Variants in NDE1 observed in about 807,000 individuals in gnomAD.
NDE1 encodes nudE neurodevelopment protein 1.
Under a neutral mutation model 43.4 loss-of-function variants are expected in NDE1, and 28 were observed. That is an observed-to-expected ratio of 0.65 (90% CI 0.48 to 0.89). NDE1 has a LOEUF of 0.89. NDE1 is among the 40% of genes least tolerant of loss of function. NDE1 has a pLI of 0.00. For synonymous variants in NDE1, 184 were observed against 172.0 expected, an observed-to-expected ratio of 1.07 and a Z score of -0.55; for missense variants, 441 against 434.1, an observed-to-expected ratio of 1.02 and a Z score of -0.14.
intron 1 of NDE1, chr16:15,651,430 G>GTTTTTTTTTTTTTTT (rs372353667): frequency 5.1e-4 from 65 of 126,268 alleles, no homozygotes; most frequent in Non-Finnish European, 6.3e-4. Context: ...TATACAACCC[G>GTTTTTTTTTTTTTTT]TTTTTTTTTT....
chr16:15,654,604 AAAAAAAAAAAAAC>A (rs2036665661), intron 1 of NDE1, among the ~76,000 whole-genome samples: 1 of 16,906 alleles, frequency 5.9e-5, no homozygotes, highest in African/African-American at 5.3e-4. Context: ...TTCCGACTCA[AAAAAAAAAAAAAC>A]AAAAAAAAAA....
At chr16:15,664,124 C>A (rs969007651) in intron 1 of NDE1, among the ~76,000 whole-genome samples, 3 of 151,978 alleles carry the variant, frequency 2.0e-5, no homozygotes, top group Non-Finnish European at 4.4e-5. Flanking sequence ...CCCCCACTCC[C>A]CCACTCCCTC....
intron 7 of NDE1, chr16:15,695,468 G>T (rs1021988745): frequency 2.1e-6 from 2 of 971,980 alleles, no homozygotes; most frequent in African/African-American, 3.7e-5. Flanking sequence ...AGATCGCACC[G>T]CTGGGTGACA....
upstream of NDE1, among the ~76,000 whole-genome samples, chr16:15,647,893 C>T (rs2036362376): frequency 6.6e-6 from 1 of 151,812 alleles, no homozygotes; most frequent in Non-Finnish European, 1.5e-5. Context: ...ATTAGCTGGG[C>T]GTGTTGGTGC....
intron 3 of NDE1, among the ~76,000 whole-genome samples, 182 bp downstream of exon 3, chr16:15,667,621 C>CT (rs1457249746): frequency 4.6e-4 from 52 of 113,282 alleles, no homozygotes; most frequent in Admixed American, 1.4e-3. Context: ...GTGGGTGGTG[C>CT]TTTTTGTTTT....
chr16:15,712,882 G>GTTTTGTTTTTTTTTTTTTTT (rs2039887695), intron 8 of NDE1: 2 of 90,636 alleles, frequency 2.2e-5, no homozygotes, highest in African/African-American at 4.5e-5. Flanking sequence ...TTCACATACA[G>GTTTTGTTTTTTTTTTTTTTT]TTTTTTTTTT....
intron 8 of NDE1, chr16:15,715,358 T>G: frequency 7.8e-7 from 1 of 1,288,926 alleles, no homozygotes; most frequent in Non-Finnish European, 1.1e-6. Context: ...GCATCTTGAG[T>G]GCTTTCCTGA....
At chr16:15,650,345 TC>T in intron 1 of NDE1, 51 bp downstream of exon 1, 1 of 224,746 alleles carries the variant, frequency 4.4e-6, no homozygotes, top group Non-Finnish European at 9.3e-6. Context: ...TCCGGGGACC[TC>T]CACCGCGGCT....
In NDE1 at chr16:15,725,229, C is replaced by T; in HGVS notation, c.*978C>T. The T allele has an allele frequency of 1.7e-6, 1 of 603,564 alleles. No homozygotes were observed. The allele number at this position is 603,564 out of a possible 1,614,324, so 37.4% of individuals were successfully genotyped here. A position where few individuals can be genotyped will look rare whatever the true frequency, so the allele number is the denominator to read the frequency against. Reference sequence around the variant, plus strand: ...TATGAGTTGGGACCCTGGCCCTAGACTCTGTGGTTCTAAGAACTTATTTGA... The same window carrying T: ...TATGAGTTGGGACCCTGGCCCTAGATTCTGTGGTTCTAAGAACTTATTTGA... On this transcript the variant is annotated 3_prime_UTR_variant, in exon 9 of 9. Coordinates refer to ENST00000396354, the MANE Select transcript of NDE1 (RefSeq NM_017668.3).
At chr16:15,716,214 T>C (rs1405033306) in intron 8 of NDE1, among the ~76,000 whole-genome samples, 1 of 152,112 alleles carries the variant, frequency 6.6e-6, no homozygotes, top group Non-Finnish European at 1.5e-5. Context: ...ATTATGGGCA[T>C]GAAATACCAC....
chr16:15,691,074 C>G (rs1321854509), intron 5 of NDE1, 70 bp from the exon 6 acceptor site: 27 of 1,600,124 alleles, frequency 1.7e-5, no homozygotes, highest in Non-Finnish European at 2.3e-5. Flanking sequence ...TCCCAAAGTG[C>G]TGGCATTATA....
chr16:15,708,089 G>A (rs1483751223), intron 8 of NDE1, among the ~76,000 whole-genome samples: 1 of 151,990 alleles, frequency 6.6e-6, no homozygotes, highest in Non-Finnish European at 1.5e-5. Context: ...GTACATGCCC[G>A]TGAAGCCTCC....
Position 15,720,289 on chromosome 16 carries a change from C to T in NDE1, c.948-3902C>T, listed in dbSNP as rs1401043343. 7 of 1,614,110 alleles carry T rather than the reference C, an allele frequency of 4.3e-6. No individual in the cohort carries two copies. In the Middle Eastern group the frequency reaches 8.2e-4, roughly 190 times the overall value. On this transcript the variant is annotated intron_variant, in intron 8 of 8. Transcript: ENST00000396354. The stretch of plus-strand genomic sequence containing the variant: ...GGGCACGTTGCTTTCGCTCGTCTTC[C>T]AGTTCCGTCTCATACTCGTGAAGCT...
At chr16:15,682,498 T>C (rs963725581) in intron 4 of NDE1, among the ~76,000 whole-genome samples, 2 of 152,284 alleles carry the variant, frequency 1.3e-5, no homozygotes, top group Admixed American at 1.3e-4. Flanking sequence ...TCATGGTCCT[T>C]CTTCTATACG....
At chr16:15,711,722 T>G (rs13339040) in intron 8 of NDE1, among the ~76,000 whole-genome samples, 19,334 of 151,914 alleles carry the variant, frequency 0.13, 1,966 homozygotes, top group African/African-American at 0.28. Flanking sequence ...AGACCGAGTT[T>G]TGGTCTGTCA....
At chr16:15,718,949 G>A in intron 8 of NDE1, 1 of 468,350 alleles carries the variant, frequency 2.1e-6, no homozygotes, top group Non-Finnish European at 3.9e-6. Flanking sequence ...CCAACATGGT[G>A]AAACCCCACC....
chr16:15,686,832 T>C (rs1326106883), intron 4 of NDE1: 1 of 365,874 alleles, frequency 2.7e-6, no homozygotes, highest in Non-Finnish European at 3.8e-6. Context: ...CCCAAGTAGC[T>C]GGGATTACAC....
intron 3 of NDE1, among the ~76,000 whole-genome samples, chr16:15,675,778 A>G (rs777944654): frequency 6.6e-6 from 1 of 152,152 alleles, no homozygotes; most frequent in Non-Finnish European, 1.5e-5. Context: ...AACAGAATCA[A>G]GAGAGCTCGG....
chr16:15,660,355 C>T (rs757887171), intron 1 of NDE1, among the ~76,000 whole-genome samples: 1 of 151,994 alleles, frequency 6.6e-6, no homozygotes, highest in East Asian at 1.9e-4. Flanking sequence ...TACCTGTAGT[C>T]CCAGCTAGTC....
Sources: gnomAD v4.1 joint callset for allele counts (sites outside exome capture counted in the v4.1 genomes callset) on GRCh38, gnomAD v4.1.1 for gene constraint, MANE v1.5 for transcripts, NCBI Gene and HGNC (gene_info 2026-07-23, HGNC 2026-07-21) for gene names.